ARHGEF3: variants seen among roughly 807,000 people sequenced by gnomAD.
The protein encoded by ARHGEF3 is Rho guanine nucleotide exchange factor 3.
ARHGEF3 carries 28 observed loss-of-function variants against 63.2 expected under a neutral mutation model. The observed-to-expected ratio is 0.44, with a 90% CI of 0.33 to 0.61. ARHGEF3 has a LOEUF of 0.61. Among genes scored for constraint, ARHGEF3 ranks in the 20% least tolerant of loss-of-function variants. ARHGEF3 has a pLI of 0.03. For synonymous variants in ARHGEF3, 266 were observed against 254.2 expected, an observed-to-expected ratio of 1.05 and a Z score of -0.44; for missense variants, 533 against 659.3, an observed-to-expected ratio of 0.81 and a Z score of 2.10.
intron 1 of ARHGEF3, among the ~76,000 whole-genome samples, chr3:57,064,963 A>G (rs1299841792): frequency 6.6e-6 from 1 of 152,250 alleles, no homozygotes; most frequent in Non-Finnish European, 1.5e-5. Context: ...TTTTTGAGAC[A>G]CAATAGAAGG....
chr3:56,758,891 A>C (rs2035255931), intron 2 of ARHGEF3, among the ~76,000 whole-genome samples: 1 of 152,230 alleles, frequency 6.6e-6, no homozygotes, highest in African/African-American at 2.4e-5. Context: ...GAAAGAAAGG[A>C]AACACACACA....
chr3:56,946,599 C>T (rs1183875382), intron 3 of ARHGEF3, among the ~76,000 whole-genome samples: 1 of 152,136 alleles, frequency 6.6e-6, no homozygotes, highest in African/African-American at 2.4e-5. Flanking sequence ...AAGAAACGAA[C>T]AAAGCCTCCA....
At position 56,801,613 on chromosome 3, in the gene ARHGEF3, T is replaced by C. The variant is rs547976288; in HGVS notation, c.96+90A>G. ...GAGTGAGAGATGGAAACAGAGACAG[T>C]GACACTGGACGGGCGCCGAGAATGG... On this transcript the variant is annotated intron_variant, in intron 1 of 9. Coordinates refer to ENST00000296315, the MANE Select transcript of ARHGEF3 (RefSeq NM_019555.3). 6 of 1,462,242 alleles carry C rather than the reference T, an allele frequency of 4.1e-6. No individual in the cohort carries two copies. The South Asian group carries it at 7.9e-5, about 19-fold the overall frequency. The allele number at this position is 1,462,242 out of a possible 1,614,324, so 90.6% of individuals were successfully genotyped here.
intron 3 of ARHGEF3, among the ~76,000 whole-genome samples, chr3:56,906,884 T>C (rs2041701128): frequency 6.6e-6 from 1 of 150,986 alleles, no homozygotes. Flanking sequence ...TGAGTTAAAA[T>C]GTACTGTTAA....
chr3:57,027,566 A>G (rs1703527523), intron 2 of ARHGEF3, among the ~76,000 whole-genome samples: 3 of 152,170 alleles, frequency 2.0e-5, no homozygotes, highest in Non-Finnish European at 4.4e-5. Flanking sequence ...TCAAAGGTGC[A>G]GGTTTAGGCT....
intron 4 of ARHGEF3, among the ~76,000 whole-genome samples, chr3:56,868,995 T>C (rs567372923): frequency 6.8e-4 from 103 of 152,312 alleles, no homozygotes; most frequent in Non-Finnish European, 1.1e-3. Flanking sequence ...AACTCATTAA[T>C]TCTAAAACAA....
At chr3:56,765,487 T>A (rs2035653217) in intron 2 of ARHGEF3, among the ~76,000 whole-genome samples, 1 of 152,152 alleles carries the variant, frequency 6.6e-6, no homozygotes, top group South Asian at 2.1e-4. Context: ...TATAGAAAAT[T>A]TATGACCTTG....
At chr3:57,071,486 C>T (rs147972272) in intron 1 of ARHGEF3, among the ~76,000 whole-genome samples, 23 of 151,978 alleles carry the variant, frequency 1.5e-4, no homozygotes, top group Non-Finnish European at 2.8e-4. Context: ...ATGGTGAAAC[C>T]CCGTCTCTAC....
upstream of ARHGEF3, among the ~76,000 whole-genome samples, chr3:56,804,965 T>C (rs927086162): frequency 1.3e-5 from 2 of 152,142 alleles, no homozygotes; most frequent in African/African-American, 4.8e-5. Context: ...CTTATTCCTC[T>C]TTCTCTGCCT....
chr3:57,042,651 AATATATATATATATATATATATAT>A (rs71076013), intron 1 of ARHGEF3, among the ~76,000 whole-genome samples: 10 of 49,262 alleles, frequency 2.0e-4, no homozygotes, highest in African/African-American at 7.4e-4. Flanking sequence ...TATGTACATA[AATATATATATATATATATATATAT>A]ATATATATAT....
upstream of ARHGEF3, chr3:56,802,048 G>T (rs770444401): frequency 4.1e-5 from 56 of 1,352,586 alleles, no homozygotes; most frequent in Non-Finnish European, 5.1e-5. Flanking sequence ...CTGCCGGGAG[G>T]GCCCACGTGC....
At chr3:56,877,401 G>T (rs1370949361) in intron 4 of ARHGEF3, among the ~76,000 whole-genome samples, 1 of 142,316 alleles carries the variant, frequency 7.0e-6, no homozygotes, top group Non-Finnish European at 1.5e-5. Flanking sequence ...TTGAGATAGG[G>T]TCTTACTCTG....
At chr3:57,006,390 T>A (rs1702468130) in intron 2 of ARHGEF3, among the ~76,000 whole-genome samples, 1 of 152,244 alleles carries the variant, frequency 6.6e-6, no homozygotes, top group South Asian at 2.1e-4. Flanking sequence ...GGCTAATGGC[T>A]TCCCTCAAAG....
At chr3:56,965,439 A>G (rs1560089696) in intron 2 of ARHGEF3, among the ~76,000 whole-genome samples, 5 of 152,114 alleles carry the variant, frequency 3.3e-5, no homozygotes, top group South Asian at 2.1e-4. Context: ...TCAGCCCCAG[A>G]CAGTTTAACT....
chr3:56,774,452 G>A (rs953513119), intron 1 of ARHGEF3, among the ~76,000 whole-genome samples: 1 of 152,124 alleles, frequency 6.6e-6, no homozygotes, highest in Non-Finnish European at 1.5e-5. Context: ...CCCTACCACG[G>A]ACATCGGTTT....
intron 1 of ARHGEF3, among the ~76,000 whole-genome samples, chr3:57,066,778 C>T (rs988133735): frequency 6.6e-6 from 1 of 152,116 alleles, no homozygotes; most frequent in Admixed American, 6.6e-5. Flanking sequence ...GGGCTTTATC[C>T]AATCAGCTAT....
intron 7 of ARHGEF3, among the ~76,000 whole-genome samples, chr3:56,742,674 A>T (rs2034117144): frequency 6.6e-6 from 1 of 152,196 alleles, no homozygotes; most frequent in African/African-American, 2.4e-5. Context: ...TAAAGGGAAA[A>T]AAAAAATCCT....
chr3:56,741,171 C>G (rs1035470762), intron 7 of ARHGEF3, among the ~76,000 whole-genome samples: 3 of 148,236 alleles, frequency 2.0e-5, no homozygotes, highest in African/African-American at 7.5e-5. Flanking sequence ...AATCTTATCT[C>G]TCTGCTTTGG....
At chr3:56,789,783 T>C (rs756228301) in intron 1 of ARHGEF3, among the ~76,000 whole-genome samples, 1 of 152,178 alleles carries the variant, frequency 6.6e-6, no homozygotes, top group Non-Finnish European at 1.5e-5. Context: ...CTGCCTTAAA[T>C]GGAAAATCAC....
Sources: allele counts gnomAD v4.1 joint callset (sites outside exome capture counted in the v4.1 genomes callset), GRCh38; gene constraint gnomAD v4.1.1; transcripts MANE v1.5; gene names NCBI Gene and HGNC (gene_info 2026-07-23, HGNC 2026-07-21).